Variants in CADM2 observed in about 807,000 individuals in gnomAD.
CADM2 encodes immunoglobulin superfamily member 4D.
A neutral mutation model predicts 49.8 loss-of-function variants in CADM2; 12 were observed. The ratio of observed to expected loss-of-function variants is 0.24; its 90% CI spans 0.15 to 0.39. The LOEUF (loss-of-function observed/expected upper bound fraction) is 0.39. CADM2 is among the 10% of genes least tolerant of loss of function. The probability of loss-of-function intolerance (pLI) is 1.00; values close to 1 mark genes in which losing one functional copy is unlikely to be tolerated. For missense variants in CADM2, 378 were observed against 492.3 expected (o/e 0.77, Z 2.20); for synonymous variants, 214 against 175.4 (o/e 1.22, Z -1.74).
intron 1 of CADM2, among the ~76,000 whole-genome samples, chr3:85,123,306 T>C (rs768490917): frequency 3.9e-5 from 6 of 152,224 alleles, no homozygotes; most frequent in South Asian, 2.1e-4. Context: ...TTTCTTGTTA[T>C]TCCTTACTAA....
rs528330296 is a variant in CADM2 at position 85,479,602 on chromosome 3, T to C, written c.62-246920T>C. Among the ~76,000 whole-genome samples, 3 of 152,032 alleles carry C rather than the reference T, an allele frequency of 2.0e-5. No individual in the cohort carries two copies. In the East Asian group the frequency reaches 5.8e-4, roughly 29 times the overall value. On this transcript the variant is annotated intron_variant, in intron 1 of 9. Coordinates refer to ENST00000383699, the MANE Select transcript of CADM2 (RefSeq NM_001167675.2). ...CCCATGTAATTTCATGACACTTCAA[T>C]GCATCTCCACCACTTCTCTCTTGGA...
chr3:85,635,055 C>T (rs564740571), intron 1 of CADM2, among the ~76,000 whole-genome samples: 4 of 151,944 alleles, frequency 2.6e-5, no homozygotes, highest in African/African-American at 4.8e-5. Context: ...GCATAGTACT[C>T]GTCACATATT....
chr3:85,679,725 C>T (rs1182468576), intron 1 of CADM2, among the ~76,000 whole-genome samples: 1 of 152,168 alleles, frequency 6.6e-6, no homozygotes, highest in African/African-American at 2.4e-5. Flanking sequence ...TGTCTGCAGG[C>T]TGCCCGGGGC....
chr3:85,856,778 G>A (rs993812888), intron 3 of CADM2, among the ~76,000 whole-genome samples: 3 of 152,120 alleles, frequency 2.0e-5, no homozygotes, highest in Non-Finnish European at 4.4e-5. Flanking sequence ...TATAAGTATA[G>A]TAAAAACAAA....
At chr3:85,683,701 C>T (rs886136681) in intron 1 of CADM2, among the ~76,000 whole-genome samples, 16 of 152,068 alleles carry the variant, frequency 1.1e-4, no homozygotes, top group Non-Finnish European at 4.4e-5. Flanking sequence ...CTAGCTAGTA[C>T]AAGTAGGAAA....
At chr3:85,701,639 T>C (rs1270020000) in intron 1 of CADM2, among the ~76,000 whole-genome samples, 3 of 152,184 alleles carry the variant, frequency 2.0e-5, no homozygotes, top group East Asian at 1.9e-4. Context: ...GCATTCCCTT[T>C]TGTGCCATCA....
Position 85,806,565 on chromosome 3 carries a change from C to A in CADM2, c.238+4369C>A, listed in dbSNP as rs149988585. On this transcript the variant is annotated intron_variant, in intron 3 of 9. Transcript: ENST00000383699. ...AAGTAAAGGAGAATTAGGCTGAACC[C>A]CCTTTCCTAGGGGTCTCTGTCAGTG... Among the ~76,000 whole-genome samples the A allele has an allele frequency of 3.1e-3, 478 of 152,164 alleles. 1 individual carries two copies. Among genetic ancestry groups the A allele is most frequent in the African/African-American group, 0.011 (460 of 41,504 alleles).
At chr3:85,836,317 T>C (rs77683511) in intron 3 of CADM2, among the ~76,000 whole-genome samples, 2,058 of 151,728 alleles carry the variant, frequency 0.014, 38 homozygotes, top group East Asian at 0.1. Context: ...CTGGTGCAGA[T>C]AATAATTTAT....
chr3:85,799,383 T>C (rs909784811), intron 2 of CADM2, among the ~76,000 whole-genome samples: 1 of 152,214 alleles, frequency 6.6e-6, no homozygotes, highest in East Asian at 1.9e-4. Flanking sequence ...CTTTTGCCCA[T>C]TCATTATGAT....
At chr3:85,902,331 A>T (rs1056780249) in intron 5 of CADM2, among the ~76,000 whole-genome samples, 1 of 151,574 alleles carries the variant, frequency 6.6e-6, no homozygotes, top group African/African-American at 2.4e-5. Context: ...TAGTATAGTC[A>T]CTCTAGCTTT....
intron 1 of CADM2, among the ~76,000 whole-genome samples, chr3:85,637,701 C>A (rs1385550563): frequency 6.6e-6 from 1 of 151,158 alleles, no homozygotes; most frequent in Non-Finnish European, 1.5e-5. Context: ...AACTTAATAT[C>A]CAAAAAATGA....
chr3:85,126,825 T>G (rs1240003676), intron 1 of CADM2, among the ~76,000 whole-genome samples: 2 of 152,144 alleles, frequency 1.3e-5, no homozygotes, highest in African/African-American at 4.8e-5. Flanking sequence ...TTTGTTGTTA[T>G]TTTTAGGTGG....
chr3:85,055,182 A>G (rs188850397), intron 1 of CADM2, among the ~76,000 whole-genome samples: 1 of 152,082 alleles, frequency 6.6e-6, no homozygotes, highest in East Asian at 1.9e-4. Context: ...AGAGCTAGCT[A>G]TGCAAGGTTT....
chr3:85,293,856 G>A (rs956016291), intron 1 of CADM2, among the ~76,000 whole-genome samples: 11 of 150,144 alleles, frequency 7.3e-5, no homozygotes, highest in Admixed American at 6.6e-4. Context: ...AAAACTGGAA[G>A]CATTCCCTTT....
At chr3:86,003,004 T>G (rs1730368511) in intron 8 of CADM2, among the ~76,000 whole-genome samples, 4 of 152,222 alleles carry the variant, frequency 2.6e-5, no homozygotes, top group African/African-American at 9.7e-5. Flanking sequence ...CTTAACCCAT[T>G]GTGGAAAGGA....
At chr3:85,770,330 T>TA (rs1294577986) in intron 2 of CADM2, among the ~76,000 whole-genome samples, 1 of 152,014 alleles carries the variant, frequency 6.6e-6, no homozygotes, top group African/African-American at 2.4e-5. Context: ...TTGTTTGAGA[T>TA]AGGGCCTCGC....
chr3:85,675,322 T>A (rs2065858958), intron 1 of CADM2, among the ~76,000 whole-genome samples: 1 of 152,182 alleles, frequency 6.6e-6, no homozygotes, highest in Non-Finnish European at 1.5e-5. Flanking sequence ...TTTCAGGAAT[T>A]TATTTAATTT....
At chr3:85,229,306 G>A (rs1353945765) in intron 1 of CADM2, among the ~76,000 whole-genome samples, 8 of 152,182 alleles carry the variant, frequency 5.3e-5, no homozygotes, top group Non-Finnish European at 1.5e-5. Context: ...TGCTGGTTGC[G>A]AAGACCATGG....
At chr3:85,172,909 T>A (rs1400423411) in intron 1 of CADM2, among the ~76,000 whole-genome samples, 1 of 144,578 alleles carries the variant, frequency 6.9e-6, no homozygotes, top group Non-Finnish European at 1.5e-5. Context: ...ATATTATATA[T>A]AATATATGTA....
Sources: allele counts gnomAD v4.1 joint callset (sites outside exome capture counted in the v4.1 genomes callset), GRCh38; gene constraint gnomAD v4.1.1; transcripts MANE v1.5; gene names NCBI Gene and HGNC (gene_info 2026-07-23, HGNC 2026-07-21).